The following ADAMTS19 variants were observed in gnomAD, a reference collection of about 807,000 sequenced individuals.
The protein encoded by ADAMTS19 is A disintegrin and metalloproteinase with thrombospondin motifs 19.
Under a neutral mutation model 153.3 loss-of-function variants are expected in ADAMTS19, and 93 were observed. The observed-to-expected ratio is 0.61, with a 90% CI of 0.51 to 0.72. ADAMTS19 has a LOEUF of 0.72. ADAMTS19 is among the 30% of genes least tolerant of loss of function. ADAMTS19 has a pLI of 0.00. For synonymous variants in ADAMTS19, 600 were observed against 556.6 expected (o/e 1.08, Z -1.10); for missense variants, 1,482 against 1,552.1 (o/e 0.95, Z 0.76).
At chr5:129,610,849 C>T (rs936507552) in intron 8 of ADAMTS19, among the ~76,000 whole-genome samples, 1 of 152,104 alleles carries the variant, frequency 6.6e-6, no homozygotes, top group Admixed American at 6.5e-5. Flanking sequence ...GTTCTAGATC[C>T]CTGAGGAATC....
At position 129,466,059 on chromosome 5, in the gene ADAMTS19, GTTATC is replaced by G. The variant is rs1282536633; in HGVS notation, c.747+4303_747+4307del. On this transcript the variant is annotated intron_variant, in intron 2 of 22. Coordinates refer to ENST00000274487, the MANE Select transcript of ADAMTS19 (RefSeq NM_133638.6). Reference sequence around the variant, plus strand: ...AACAAGAGCAGGATTTCTTTTTTCTGTTATCCCATTCTGCCAAGCACCGGAAGCCA... The same window carrying G: ...AACAAGAGCAGGATTTCTTTTTTCTGCCATTCTGCCAAGCACCGGAAGCCA... 5.9e-5 allele frequency among the ~76,000 whole-genome samples: 9 copies of G among 152,282 alleles called. No homozygotes were observed. The East Asian group carries it at 1.7e-3, about 30-fold the overall frequency.
At chr5:129,633,307 G>C (rs1023410099) in intron 10 of ADAMTS19, among the ~76,000 whole-genome samples, 11 of 151,972 alleles carry the variant, frequency 7.2e-5, no homozygotes, top group Non-Finnish European at 1.3e-4. Context: ...TATTCATAGA[G>C]TCAGTTTCAA....
At chr5:129,558,674 C>G (rs1297161159) in intron 7 of ADAMTS19, among the ~76,000 whole-genome samples, 1 of 151,938 alleles carries the variant, frequency 6.6e-6, no homozygotes, top group Non-Finnish European at 1.5e-5. Flanking sequence ...GAACATAGGT[C>G]TGAAAATTGC....
chr5:129,636,684 T>C (rs891565219), intron 10 of ADAMTS19, among the ~76,000 whole-genome samples: 1 of 152,164 alleles, frequency 6.6e-6, no homozygotes. Flanking sequence ...ATCTCCTCTG[T>C]TAAAGGATAA....
At chr5:129,682,418 G>A (rs1344140597) in intron 17 of ADAMTS19, among the ~76,000 whole-genome samples, 1 of 152,178 alleles carries the variant, frequency 6.6e-6, no homozygotes, top group Non-Finnish European at 1.5e-5. Flanking sequence ...TTAAGAAAGA[G>A]CTAATGGTTT....
At chr5:129,632,334 T>A (rs540663086) in intron 10 of ADAMTS19, among the ~76,000 whole-genome samples, 1 of 152,158 alleles carries the variant, frequency 6.6e-6, no homozygotes, top group East Asian at 1.9e-4. Flanking sequence ...AGTTTTTCTG[T>A]ACTATAGTCA....
At chr5:129,505,122 C>A (rs901185097) in intron 2 of ADAMTS19, among the ~76,000 whole-genome samples, 5 of 152,026 alleles carry the variant, frequency 3.3e-5, no homozygotes, top group Non-Finnish European at 7.4e-5. Context: ...CTAATGAATT[C>A]TCAATACGTA....
chr5:129,478,693 G>A (rs1454807977), intron 2 of ADAMTS19, among the ~76,000 whole-genome samples: 1 of 152,084 alleles, frequency 6.6e-6, no homozygotes, highest in Non-Finnish European at 1.5e-5. Context: ...CTACAGGTGT[G>A]TGCCACAGCT....
intron 6 of ADAMTS19, among the ~76,000 whole-genome samples, chr5:129,549,511 C>G (rs919057109): frequency 2.6e-5 from 4 of 151,424 alleles, no homozygotes; most frequent in Non-Finnish European, 5.9e-5. Context: ...TCAAAATAAA[C>G]AAACTTAGAG....
intron 7 of ADAMTS19, among the ~76,000 whole-genome samples, chr5:129,555,420 T>C (rs893654816): frequency 1.3e-5 from 2 of 152,154 alleles, no homozygotes; most frequent in African/African-American, 2.4e-5. Context: ...AGTTTTGTTA[T>C]CATTATTATT....
intron 7 of ADAMTS19, among the ~76,000 whole-genome samples, chr5:129,593,312 A>G (rs1475664023): frequency 6.6e-6 from 1 of 152,150 alleles, no homozygotes; most frequent in African/African-American, 2.4e-5. Context: ...CTTTCTGGTC[A>G]TGTGCAATTT....
chr5:129,648,313 A>G (rs1753158799), intron 12 of ADAMTS19, among the ~76,000 whole-genome samples: 2 of 152,234 alleles, frequency 1.3e-5, no homozygotes, highest in South Asian at 2.1e-4. Flanking sequence ...AGGAATTATT[A>G]TGGGATCAGC....
At chr5:129,679,638 C>A in intron 16 of ADAMTS19, 126 bp from the exon 17 acceptor site, 1 of 883,166 alleles carries the variant, frequency 1.1e-6, no homozygotes, top group Non-Finnish European at 1.7e-6. Flanking sequence ...TCAAGTTTTA[C>A]ATCAGGGAAT....
At chr5:129,639,360 G>C (rs543743223) in intron 10 of ADAMTS19, among the ~76,000 whole-genome samples, 1 of 152,084 alleles carries the variant, frequency 6.6e-6, no homozygotes, top group Non-Finnish European at 1.5e-5. Flanking sequence ...CTTACTTGTG[G>C]GATTTTGGTT....
chr5:129,596,781 A>G (rs1750400465), intron 8 of ADAMTS19, 117 bp downstream of exon 8: 5 of 716,360 alleles, frequency 7.0e-6, no homozygotes, highest in African/African-American at 3.6e-5. Flanking sequence ...TTGAAAAACT[A>G]GGGAGACAAG....
intron 7 of ADAMTS19, among the ~76,000 whole-genome samples, chr5:129,572,472 T>A (rs182554567): frequency 1.5e-3 from 228 of 152,048 alleles, no homozygotes; most frequent in African/African-American, 4.2e-3. Flanking sequence ...TGATCACAAA[T>A]GTTTATATCT....
intron 7 of ADAMTS19, among the ~76,000 whole-genome samples, chr5:129,561,541 A>AAG (rs1383273170): frequency 2.6e-5 from 4 of 151,966 alleles, no homozygotes; most frequent in African/African-American, 9.7e-5. Context: ...GTCTCAAAAA[A>AAG]AAAAAAAAAA....
chr5:129,654,251 A>G (rs1331216459), intron 13 of ADAMTS19, 55 bp from the exon 14 acceptor site: 1 of 1,506,342 alleles, frequency 6.6e-7, no homozygotes, highest in Non-Finnish European at 8.9e-7. Context: ...AGCTTAAGAT[A>G]AAAATATTTA....
At chr5:129,460,867 A>G (rs989169835) in intron 1 of ADAMTS19, among the ~76,000 whole-genome samples, 15 of 151,840 alleles carry the variant, frequency 9.9e-5, no homozygotes, top group Admixed American at 7.9e-4. Flanking sequence ...GCGGTCACCA[A>G]ACTTTGATTC....
Sources: gnomAD v4.1 joint callset for allele counts (sites outside exome capture counted in the v4.1 genomes callset) on GRCh38, gnomAD v4.1.1 for gene constraint, MANE v1.5 for transcripts, NCBI Gene and HGNC (gene_info 2026-07-23, HGNC 2026-07-21) for gene names.